ATP8A2: variants seen among roughly 807,000 people sequenced by gnomAD.
ATP8A2 encodes the protein ATPase phospholipid transporting 8A2, also known as phospholipid-transporting ATPase IB.
ATP8A2 carries 100 observed loss-of-function variants against 165.6 expected under a neutral mutation model. The ratio of observed to expected loss-of-function variants is 0.60; its 90% CI spans 0.51 to 0.71. The LOEUF (loss-of-function observed/expected upper bound fraction) is 0.71, where lower values mean the gene tolerates loss of function less well. Among genes scored for constraint, ATP8A2 ranks in the 30% least tolerant of loss-of-function variants. The probability of loss-of-function intolerance (pLI) is 0.00; values close to 1 mark genes in which losing one functional copy is unlikely to be tolerated. For synonymous variants in ATP8A2, 543 were observed against 548.8 expected, an observed-to-expected ratio of 0.99 and a Z score of 0.15; for missense variants, 1,227 against 1,479.5, an observed-to-expected ratio of 0.83 and a Z score of 2.80.
At chr13:25,728,580 G>GA (rs1240425290) in intron 25 of ATP8A2, among the ~76,000 whole-genome samples, 1 of 152,110 alleles carries the variant, frequency 6.6e-6, no homozygotes, top group East Asian at 1.9e-4. Context: ...CTGTCTTAGA[G>GA]AAAAAATGGA....
chr13:25,608,252 C>T (rs560120572), intron 24 of ATP8A2, among the ~76,000 whole-genome samples: 2 of 152,290 alleles, frequency 1.3e-5, no homozygotes, highest in East Asian at 3.9e-4. Flanking sequence ...CTGAACCCCA[C>T]AATGGGGAGC....
chr13:25,413,497 GTCTT>G (rs1456146103), intron 1 of ATP8A2, among the ~76,000 whole-genome samples: 2 of 151,986 alleles, frequency 1.3e-5, no homozygotes, highest in African/African-American at 4.8e-5. Context: ...GGCCAGGCTG[GTCTT>G]GAACTCCTGG....
chr13:25,869,047 C>T (rs978046306), intron 33 of ATP8A2, among the ~76,000 whole-genome samples: 18 of 123,418 alleles, frequency 1.5e-4, no homozygotes, highest in South Asian at 7.8e-4. Flanking sequence ...CCAGCCTGGG[C>T]GACACAGCGA....
chr13:25,431,559 G>A (rs2034615221), intron 1 of ATP8A2, among the ~76,000 whole-genome samples: 1 of 152,118 alleles, frequency 6.6e-6, no homozygotes, highest in Non-Finnish European at 1.5e-5. Context: ...TTTCCCCTGA[G>A]CTCTGGAAAA....
chr13:25,905,092 G>A (rs577908173), intron 33 of ATP8A2, among the ~76,000 whole-genome samples: 17 of 151,458 alleles, frequency 1.1e-4, no homozygotes, highest in East Asian at 3.9e-4. Context: ...GGGAGAGCAC[G>A]TCACCCATTG....
In ATP8A2 at chr13:25,619,633, A is replaced by G. The variant is rs146058276; in HGVS notation, c.2211+29934A>G. ...TGAGTACATAGAACTTCTGGAAATG[A>G]AAAATATCACAACAAATTAAAAATT... On this transcript the variant is annotated intron_variant, in intron 24 of 36. Transcript: ENST00000381655. Among the ~76,000 whole-genome samples, 8 of 152,320 alleles carry G rather than the reference A, an allele frequency of 5.3e-5. No homozygotes were observed. The East Asian group carries it at 1.4e-3, about 26-fold the overall frequency.
At chr13:25,755,918 C>G (rs990131216) in intron 25 of ATP8A2, among the ~76,000 whole-genome samples, 4 of 152,094 alleles carry the variant, frequency 2.6e-5, no homozygotes, top group Admixed American at 2.6e-4. Flanking sequence ...AAAAAAAAAC[C>G]CATATAGAAT....
At chr13:25,873,794 A>G in intron 33 of ATP8A2, 1 of 163,188 alleles carries the variant, frequency 6.1e-6, no homozygotes, top group Non-Finnish European at 1.4e-5. Context: ...GCCCACCACC[A>G]CACCTGGCTA....
chr13:25,693,147 C>A (rs2042762433), intron 24 of ATP8A2, among the ~76,000 whole-genome samples: 1 of 152,124 alleles, frequency 6.6e-6, no homozygotes, highest in African/African-American at 2.4e-5. Flanking sequence ...CATTAACTGG[C>A]CCTGGGATCC....
At chr13:25,565,241 A>G (rs1295395098) in intron 16 of ATP8A2, among the ~76,000 whole-genome samples, 2 of 152,176 alleles carry the variant, frequency 1.3e-5, no homozygotes, top group Non-Finnish European at 2.9e-5. Context: ...CTGGGTAGAT[A>G]CCTAGTAGTG....
intron 24 of ATP8A2, among the ~76,000 whole-genome samples, chr13:25,629,620 C>T (rs185400654): frequency 3.0e-4 from 46 of 152,186 alleles, no homozygotes; most frequent in South Asian, 1.5e-3. Flanking sequence ...CTGTAGCTTT[C>T]GGGAGGCTAT....
At chr13:25,686,875 C>T (rs971957200) in intron 24 of ATP8A2, among the ~76,000 whole-genome samples, 2 of 152,210 alleles carry the variant, frequency 1.3e-5, no homozygotes, top group Non-Finnish European at 2.9e-5. Flanking sequence ...CAGCTCATGA[C>T]ACCGCGTTCT....
chr13:25,815,917 T>C (rs1951005875), intron 27 of ATP8A2, among the ~76,000 whole-genome samples: 3 of 152,166 alleles, frequency 2.0e-5, no homozygotes, highest in Non-Finnish European at 2.9e-5. Context: ...TGTTAAGAAA[T>C]ATAAGCTACA....
chr13:25,403,983 T>C (rs2033719543), intron 1 of ATP8A2, among the ~76,000 whole-genome samples: 1 of 152,154 alleles, frequency 6.6e-6, no homozygotes, highest in Non-Finnish European at 1.5e-5. Context: ...CATCCATCCA[T>C]TTGAATGTTT....
At chr13:26,000,340 T>G (rs1956608029) in intron 35 of ATP8A2, among the ~76,000 whole-genome samples, 1 of 152,342 alleles carries the variant, frequency 6.6e-6, no homozygotes, top group Middle Eastern at 3.4e-3. Flanking sequence ...AAATTCAGAT[T>G]TGGAGTTATT....
At chr13:25,722,292 C>T (rs934264371) in intron 25 of ATP8A2, among the ~76,000 whole-genome samples, 2 of 152,102 alleles carry the variant, frequency 1.3e-5, no homozygotes, top group African/African-American at 2.4e-5. Flanking sequence ...GTAGCTGATC[C>T]CTTTTGTTTC....
intron 2 of ATP8A2, among the ~76,000 whole-genome samples, chr13:25,520,836 G>A (rs558222889): frequency 6.6e-6 from 1 of 152,100 alleles, no homozygotes; most frequent in South Asian, 2.1e-4. Context: ...GGATGGTCTC[G>A]ATTTCCTGAC....
chr13:25,866,334 T>C (rs926823049), intron 33 of ATP8A2, among the ~76,000 whole-genome samples: 37 of 152,120 alleles, frequency 2.4e-4, no homozygotes, highest in African/African-American at 8.7e-4. Context: ...CTTTAGAGAA[T>C]TGTGATGAAG....
chr13:25,883,897 C>G (rs1953057806), intron 33 of ATP8A2, among the ~76,000 whole-genome samples: 1 of 152,168 alleles, frequency 6.6e-6, no homozygotes, highest in Admixed American at 6.5e-5. Flanking sequence ...TTGGTGGAGA[C>G]ACTGCTTTTA....
Sources: allele counts gnomAD v4.1 joint callset (sites outside exome capture counted in the v4.1 genomes callset), GRCh38; gene constraint gnomAD v4.1.1; transcripts MANE v1.5; gene names NCBI Gene and HGNC (gene_info 2026-07-23, HGNC 2026-07-21).